Variants in SNX30 observed in about 807,000 individuals in gnomAD.
The protein encoded by SNX30 is sorting nexin family member 30, also known as sorting nexin-30.
SNX30 carries 24 observed loss-of-function variants against 46.4 expected under a neutral mutation model. That is an observed-to-expected ratio of 0.52 (90% CI 0.37 to 0.73). SNX30 has a LOEUF of 0.73. Among genes scored for constraint, SNX30 ranks in the 30% least tolerant of loss-of-function variants. SNX30 has a pLI of 0.00. For missense variants in SNX30, 533 were observed against 555.7 expected (o/e 0.96, Z 0.41); for synonymous variants, 189 against 211.5 (o/e 0.89, Z 0.92).
In SNX30 at chr9:112,817,401, C is replaced by CCT. The variant is rs1840414195; in HGVS notation, c.349-304_349-303insCT. Among the ~76,000 whole-genome samples, 59 of 46,838 alleles carry CCT rather than the reference C, an allele frequency of 1.3e-3. 2 individuals carry two copies. The highest frequency in any genetic ancestry group is 5.5e-3 in the African/African-American group (56 of 10,270). The allele number at this position is 46,838 out of a possible 152,430, so 30.7% of individuals were successfully genotyped here. ...CGGTAGGGAAAAAAAAAAAAACTGGCTTTTTTTTTTTTTTTTTTTTTTTTT... is the reference window on the plus strand; with the variant it reads ...CGGTAGGGAAAAAAAAAAAAACTGGCCTTTTTTTTTTTTTTTTTTTTTTTTTT... On this transcript the variant is annotated intron_variant, in intron 2 of 8. Coordinates refer to ENST00000374232, the MANE Select transcript of SNX30 (RefSeq NM_001012994.2).
intron 3 of SNX30, 53 bp downstream of exon 3, chr9:112,817,868 C>A: frequency 8.3e-7 from 1 of 1,200,864 alleles, no homozygotes; most frequent in Non-Finnish European, 1.2e-6. Context: ...GTTGTCTTTC[C>A]TGAAGGGGTT....
chr9:112,806,181 T>C (rs1022594847), intron 2 of SNX30, among the ~76,000 whole-genome samples: 12 of 152,158 alleles, frequency 7.9e-5, no homozygotes, highest in Non-Finnish European at 1.3e-4. Context: ...TGGTCCCCAG[T>C]TGTGACAACC....
At chr9:112,755,010 C>T (rs2131343682) in intron 1 of SNX30, among the ~76,000 whole-genome samples, 1 of 152,282 alleles carries the variant, frequency 6.6e-6, no homozygotes, top group South Asian at 2.1e-4. Flanking sequence ...AGGCTCTGCT[C>T]CTTTGAGGCT....
At chr9:112,817,955 C>T (rs922256726) in intron 3 of SNX30, 140 bp downstream of exon 3, 9 of 580,502 alleles carry the variant, frequency 1.6e-5, no homozygotes, top group African/African-American at 1.5e-4. Context: ...ACACTGTATA[C>T]AATACTTCAC....
intron 3 of SNX30, among the ~76,000 whole-genome samples, chr9:112,819,720 T>G (rs1240071535): frequency 6.6e-6 from 1 of 152,190 alleles, no homozygotes; most frequent in Non-Finnish European, 1.5e-5. Context: ...GTCAGGAATT[T>G]TGTAGACTTG....
Position 112,783,233 on chromosome 9 carries a change from C to T in SNX30, c.157-21543C>T, listed in dbSNP as rs565384447. 3.3e-5 allele frequency among the ~76,000 whole-genome samples: 5 copies of T among 152,290 alleles called. No individual in the cohort carries two copies. The South Asian group carries it at 1.0e-3, about 32-fold the overall frequency. Reference sequence around the variant, plus strand: ...GAGGCAGACGGTGAAGGGCTACTAGCCTCTGCTCTGGAGTCTCCAGGCTGG... The same window carrying T: ...GAGGCAGACGGTGAAGGGCTACTAGTCTCTGCTCTGGAGTCTCCAGGCTGG... On this transcript the variant is annotated intron_variant, in intron 1 of 8. Transcript: ENST00000374232.
Position 112,872,837 on chromosome 9 carries a change from G to T in SNX30, c.*3994G>T, listed in dbSNP as rs1217921690. 1 of 152,244 alleles carries T rather than the reference G, an allele frequency of 6.6e-6. No homozygotes were observed. The highest frequency in any genetic ancestry group is 1.5e-5 in the Non-Finnish European group (1 of 68,050). 9.4% of individuals were successfully genotyped at this position (152,244 alleles called of 1,614,324 possible). On this transcript the variant is annotated 3_prime_UTR_variant, in exon 9 of 9. Transcript: ENST00000374232. ...CTTGTGTCTTGTCTGTCAGATGGCA[G>T]GAGGCCTGTATCAGTAAATTTGAGG...
intron 1 of SNX30, among the ~76,000 whole-genome samples, chr9:112,782,824 G>C (rs1839866689): frequency 6.6e-6 from 1 of 152,250 alleles, no homozygotes; most frequent in African/African-American, 2.4e-5. Flanking sequence ...GTTCAAGTCA[G>C]ATGTGCCCCT....
intron 7 of SNX30, among the ~76,000 whole-genome samples, chr9:112,858,618 T>C (rs1448590530): frequency 6.6e-5 from 10 of 152,256 alleles, no homozygotes; most frequent in Non-Finnish European, 1.2e-4. Context: ...GAAGAATACA[T>C]GCCTGAGCAT....
intron 3 of SNX30, among the ~76,000 whole-genome samples, chr9:112,830,483 T>C (rs1013911142): frequency 6.6e-6 from 1 of 152,316 alleles, no homozygotes; most frequent in African/African-American, 2.4e-5. Context: ...TGGATAAATA[T>C]CTACTTTTCT....
intron 3 of SNX30, among the ~76,000 whole-genome samples, chr9:112,819,501 A>G (rs1231913419): frequency 3.9e-5 from 6 of 152,074 alleles, no homozygotes; most frequent in Non-Finnish European, 8.8e-5. Flanking sequence ...TCTTGATCTC[A>G]GGTAATCCTC....
intron 1 of SNX30, among the ~76,000 whole-genome samples, chr9:112,803,965 A>G (rs1186095337): frequency 1.5e-5 from 2 of 132,816 alleles, no homozygotes; most frequent in African/African-American, 5.7e-5. Context: ...TGCGCTTCCC[A>G]GGTGAGGCAA....
intron 1 of SNX30, among the ~76,000 whole-genome samples, chr9:112,795,765 T>TCTCACACACA (rs34877094): frequency 0.018 from 2,189 of 123,274 alleles, 35 homozygotes; most frequent in Admixed American, 0.046. Flanking sequence ...CACAGTACAG[T>TCTCACACACA]CACACACACA....
Position 112,795,765 on chromosome 9 carries a change from T to TCACACACACACACA in SNX30, c.157-8993_157-8980dup, listed in dbSNP as rs1554751568. 6.3e-3 allele frequency among the ~76,000 whole-genome samples: 781 copies of TCACACACACACACA among 123,292 alleles called. 7 individuals are homozygous for TCACACACACACACA. Among genetic ancestry groups the TCACACACACACACA allele is most frequent in the African/African-American group, 0.017 (530 of 31,182 alleles). 80.9% of individuals were successfully genotyped at this position (123,292 alleles called of 152,430 possible). A position where few individuals can be genotyped will look rare whatever the true frequency, so the allele number is the denominator to read the frequency against. ...TCACACACACACACTCACAGTACAG[T>TCACACACACACACA]CACACACACACACACACACACACAC... On this transcript the variant is annotated intron_variant, in intron 1 of 8. Transcript: ENST00000374232.
chr9:112,838,964 C>G (rs1840813354), intron 6 of SNX30, among the ~76,000 whole-genome samples: 1 of 151,790 alleles, frequency 6.6e-6, no homozygotes, highest in African/African-American at 2.4e-5. Context: ...GAAATAAGAA[C>G]AAAGATGCCA....
At chr9:112,780,464 A>G (rs1049694117) in intron 1 of SNX30, among the ~76,000 whole-genome samples, 1 of 152,216 alleles carries the variant, frequency 6.6e-6, no homozygotes, top group Non-Finnish European at 1.5e-5. Flanking sequence ...ATCATTCTAG[A>G]GTCCTCAAAA....
In SNX30 at chr9:112,817,401, C is replaced by CTTTTTTTTTTTTTTTTTTTTTTTT. The variant is rs56856142; in HGVS notation, c.349-297_349-274dup. On this transcript the variant is annotated intron_variant, in intron 2 of 8. Coordinates refer to ENST00000374232, the MANE Select transcript of SNX30 (RefSeq NM_001012994.2). ...CGGTAGGGAAAAAAAAAAAAACTGG[C>CTTTTTTTTTTTTTTTTTTTTTTTT]TTTTTTTTTTTTTTTTTTTTTTTTT... Among the ~76,000 whole-genome samples the CTTTTTTTTTTTTTTTTTTTTTTTT allele has an allele frequency of 8.8e-4, 41 of 46,836 alleles. 9 individuals are homozygous for CTTTTTTTTTTTTTTTTTTTTTTTT. Among genetic ancestry groups the CTTTTTTTTTTTTTTTTTTTTTTTT allele is most frequent in the African/African-American group, 9.7e-4 (10 of 10,268 alleles). The allele number at this position is 46,836 out of a possible 152,430, so 30.7% of individuals were successfully genotyped here.
At chr9:112,824,661 C>G (rs1186334453) in intron 3 of SNX30, among the ~76,000 whole-genome samples, 2 of 152,094 alleles carry the variant, frequency 1.3e-5, no homozygotes, top group Non-Finnish European at 2.9e-5. Context: ...CCAGAAGGCT[C>G]TAGGGGAGAA....
intron 1 of SNX30, among the ~76,000 whole-genome samples, chr9:112,768,013 C>T (rs890175084): frequency 4.6e-5 from 7 of 152,184 alleles, no homozygotes; most frequent in Admixed American, 4.6e-4. Context: ...CTCTCCCATC[C>T]AGTCTGTTCT....
Sources: allele counts gnomAD v4.1 joint callset (sites outside exome capture counted in the v4.1 genomes callset), GRCh38; gene constraint gnomAD v4.1.1; transcripts MANE v1.5; gene names NCBI Gene and HGNC (gene_info 2026-07-23, HGNC 2026-07-21).